NELL1: variants seen among roughly 807,000 people sequenced by gnomAD.
NELL1 encodes protein kinase C-binding protein NELL1.
Under a neutral mutation model 107.4 loss-of-function variants are expected in NELL1, and 76 were observed. The observed-to-expected ratio is 0.71, with a 90% CI of 0.59 to 0.86. The LOEUF (loss-of-function observed/expected upper bound fraction) is 0.86, where lower values mean the gene tolerates loss of function less well. NELL1 is among the 40% of genes least tolerant of loss of function. The probability of loss-of-function intolerance (pLI) is 0.00; values close to 1 mark genes in which losing one functional copy is unlikely to be tolerated. For missense variants in NELL1, 1,024 were observed against 1,005.5 expected, an observed-to-expected ratio of 1.02 and a Z score of -0.25; for synonymous variants, 353 against 341.2, an observed-to-expected ratio of 1.03 and a Z score of -0.38.
chr11:20,845,392 G>A (rs1848685966), intron 3 of NELL1, among the ~76,000 whole-genome samples: 1 of 152,170 alleles, frequency 6.6e-6, no homozygotes, highest in Non-Finnish European at 1.5e-5. Context: ...CTGGTTAAAT[G>A]TATTTGCCTC....
chr11:21,064,774 T>C (rs1267273065), intron 12 of NELL1, among the ~76,000 whole-genome samples: 1 of 152,178 alleles, frequency 6.6e-6, no homozygotes, highest in Admixed American at 6.5e-5. Flanking sequence ...ATATTAGACA[T>C]TAAAACACAC....
chr11:21,359,406 A>G (rs915753154), intron 14 of NELL1, among the ~76,000 whole-genome samples: 4 of 152,150 alleles, frequency 2.6e-5, no homozygotes, highest in African/African-American at 9.7e-5. Flanking sequence ...GATGTATGCT[A>G]GTATTTTATT....
rs537423892 is a variant in NELL1, at chr11:20,834,595, A to C, written c.336-12988A>C. Among the ~76,000 whole-genome samples, 363 of 151,846 alleles carry C rather than the reference A, an allele frequency of 2.4e-3. 1 individual carries two copies. The highest frequency in any genetic ancestry group is 8.5e-3 in the African/African-American group (353 of 41,448). ...GCGGGCACCTGTAGTCCCAGCTACTAGGGAGGCTGAGGCAGGAGAATGGTG... is the reference window on the plus strand; with the variant it reads ...GCGGGCACCTGTAGTCCCAGCTACTCGGGAGGCTGAGGCAGGAGAATGGTG... On this transcript the variant is annotated intron_variant, in intron 3 of 19. Coordinates refer to ENST00000357134, the MANE Select transcript of NELL1 (RefSeq NM_006157.5).
At chr11:20,985,367 A>AT (rs1429646188) in intron 12 of NELL1, among the ~76,000 whole-genome samples, 1 of 152,184 alleles carries the variant, frequency 6.6e-6, no homozygotes, top group East Asian at 1.9e-4. Context: ...TATAGCTATC[A>AT]TTTTTATTTT....
rs1449906315 is a variant in NELL1 at position 21,481,485 on chromosome 11, G to T, written c.1646-52889G>T. ...TAGTAGCAGAGAGAGTAATGTAAGG[G>T]TTGCATTAAAGTGGAAACACACCCT... On this transcript the variant is annotated intron_variant, in intron 15 of 19. Transcript: ENST00000357134. Among the ~76,000 whole-genome samples the T allele has an allele frequency of 7.2e-5, 11 of 152,300 alleles. No homozygotes were observed. In the East Asian group the frequency reaches 1.7e-3, roughly 24 times the overall value.
At chr11:21,535,431 G>GC (rs977690437) in intron 16 of NELL1, among the ~76,000 whole-genome samples, 1 of 151,844 alleles carries the variant, frequency 6.6e-6, no homozygotes, top group Non-Finnish European at 1.5e-5. Context: ...AGGGTATATT[G>GC]TTTTTTTTCT....
chr11:21,464,613 G>GGGACCACT (rs1223585727), intron 15 of NELL1, among the ~76,000 whole-genome samples: 1 of 151,958 alleles, frequency 6.6e-6, no homozygotes, highest in Non-Finnish European at 1.5e-5. Context: ...CAAAATGTTG[G>GGGACCACT]GGACCACTGG....
At chr11:20,740,285 C>G (rs1564888271) in intron 2 of NELL1, among the ~76,000 whole-genome samples, 1 of 152,310 alleles carries the variant, frequency 6.6e-6, no homozygotes, top group South Asian at 2.1e-4. Flanking sequence ...ACTTTACTGT[C>G]ACTCCTCAAA....
At position 21,007,412 on chromosome 11, in the gene NELL1, C is replaced by G. The variant is rs1472153030; in HGVS notation, c.1300+46852C>G. Among the ~76,000 whole-genome samples the G allele has an allele frequency of 2.6e-5, 4 of 151,002 alleles. No individual in the cohort carries two copies. The East Asian group carries it at 5.9e-4, about 22-fold the overall frequency. On this transcript the variant is annotated intron_variant, in intron 12 of 19. Transcript: ENST00000357134. ...AGACACACACACACACACACACACA[C>G]AGACAGACACGCACATCAGGCATGC...
At chr11:21,399,324 G>C (rs927288468) in intron 15 of NELL1, among the ~76,000 whole-genome samples, 1 of 151,630 alleles carries the variant, frequency 6.6e-6, no homozygotes, top group Non-Finnish European at 1.5e-5. Flanking sequence ...GTTGACAATC[G>C]CTTCAGTTGC....
At chr11:21,166,125 C>T (rs115861685) in intron 13 of NELL1, among the ~76,000 whole-genome samples, 1,573 of 151,546 alleles carry the variant, frequency 0.01, 54 homozygotes, top group African/African-American at 0.036. Context: ...AAGTCAGGCA[C>T]AGAAAGACAA....
chr11:21,403,057 G>A (rs1852136949), intron 15 of NELL1, among the ~76,000 whole-genome samples: 1 of 151,698 alleles, frequency 6.6e-6, no homozygotes, highest in South Asian at 2.1e-4. Context: ...CCTATGGAGG[G>A]CACTGTTTGC....
At chr11:21,534,982 T>A (rs1180869339) in intron 16 of NELL1, among the ~76,000 whole-genome samples, 1 of 152,126 alleles carries the variant, frequency 6.6e-6, no homozygotes, top group Non-Finnish European at 1.5e-5. Context: ...AAAATGAGGA[T>A]AACAAGATAC....
chr11:21,189,936 G>A (rs1857014653), intron 13 of NELL1, among the ~76,000 whole-genome samples: 1 of 151,778 alleles, frequency 6.6e-6, no homozygotes, highest in African/African-American at 2.4e-5. Context: ...GCTTTTCTGT[G>A]GATTGTGGAA....
chr11:21,081,874 C>G (rs1854278012), intron 12 of NELL1, among the ~76,000 whole-genome samples: 3 of 152,080 alleles, frequency 2.0e-5, no homozygotes, highest in Non-Finnish European at 4.4e-5. Flanking sequence ...ATTTATTTTT[C>G]AAATGATCTT....
At chr11:21,072,293 T>C (rs1357075473) in intron 12 of NELL1, among the ~76,000 whole-genome samples, 1 of 152,168 alleles carries the variant, frequency 6.6e-6, no homozygotes, top group Non-Finnish European at 1.5e-5. Context: ...TGAGTGCTTA[T>C]AAATTACTCT....
At chr11:21,554,753 C>T (rs1466759262) in intron 16 of NELL1, among the ~76,000 whole-genome samples, 2 of 151,792 alleles carry the variant, frequency 1.3e-5, no homozygotes, top group African/African-American at 4.8e-5. Context: ...GGGACCAAGA[C>T]TCAGAGATGT....
chr11:20,845,273 A>G (rs564278348), intron 3 of NELL1, among the ~76,000 whole-genome samples: 39 of 152,188 alleles, frequency 2.6e-4, no homozygotes, highest in Non-Finnish European at 4.1e-4. Flanking sequence ...TGATTACCCC[A>G]ATGTAATCAC....
chr11:21,024,686 G>C (rs1185734097), intron 12 of NELL1, among the ~76,000 whole-genome samples: 6 of 152,164 alleles, frequency 3.9e-5, no homozygotes, highest in Middle Eastern at 3.4e-3. Flanking sequence ...AAATAAACTT[G>C]TCTAAAACAA....
Sources: gnomAD v4.1 joint callset for allele counts (sites outside exome capture counted in the v4.1 genomes callset) on GRCh38, gnomAD v4.1.1 for gene constraint, MANE v1.5 for transcripts, NCBI Gene and HGNC (gene_info 2026-07-23, HGNC 2026-07-21) for gene names.